Variants in S100A13 observed in about 807,000 individuals in gnomAD.
S100A13 encodes S100 calcium binding protein A13.
S100A13 carries 6 observed loss-of-function variants against 8.2 expected under a neutral mutation model. The observed-to-expected ratio is 0.73, with a 90% CI of 0.40 to 1.44. The LOEUF is 1.44. S100A13 is among the 40% of genes most tolerant of loss of function. The pLI, the probability that S100A13 is intolerant of heterozygous loss-of-function variation, is 0.02. For synonymous variants in S100A13, 39 were observed against 45.9 expected, an observed-to-expected ratio of 0.85 and a Z score of 0.61; for missense variants, 114 against 113.6, an observed-to-expected ratio of 1.00 and a Z score of -0.02.
intron 2 of S100A13, among the ~76,000 whole-genome samples, chr1:153,621,436 C>T (rs558951869): frequency 1.7e-4 from 26 of 151,810 alleles, no homozygotes; most frequent in Admixed American, 1.2e-3. Flanking sequence ...GGATTACAGG[C>T]ATGAGCCACC....
upstream of S100A13, chr1:153,630,731 G>C: frequency 6.4e-7 from 1 of 1,552,990 alleles, no homozygotes; most frequent in Non-Finnish European, 8.8e-7. Flanking sequence ...ACACCCCCTT[G>C]CTATCTCCCC....
At chr1:153,628,087 G>C (rs1219779953), upstream of S100A13, 5 of 1,550,458 alleles carry the variant, frequency 3.2e-6, no homozygotes, top group Non-Finnish European at 3.5e-6. Context: ...AGGAGCCACA[G>C]ACTAAGACCC....
At chr1:153,623,172 G>C (rs965016248) in intron 2 of S100A13, among the ~76,000 whole-genome samples, 2 of 152,144 alleles carry the variant, frequency 1.3e-5, no homozygotes, top group African/African-American at 4.8e-5. Context: ...AAGAAAGAGA[G>C]GAGTAATTTC....
chr1:153,625,373 C>T (rs1667549166), intron 2 of S100A13, among the ~76,000 whole-genome samples: 1 of 152,234 alleles, frequency 6.6e-6, no homozygotes, highest in Non-Finnish European at 1.5e-5. Flanking sequence ...GTAAAACAAA[C>T]TGTCAACAGC....
upstream of S100A13, chr1:153,628,560 A>T: frequency 1.3e-6 from 2 of 1,541,966 alleles, no homozygotes; most frequent in Non-Finnish European, 1.8e-6. Flanking sequence ...GGGTCTTCAG[A>T]AGGGCTCCAA....
At chr1:153,620,778 T>C (rs1294312290) in intron 2 of S100A13, among the ~76,000 whole-genome samples, 1 of 151,990 alleles carries the variant, frequency 6.6e-6, no homozygotes, top group Non-Finnish European at 1.5e-5. Context: ...ATATAAGGGA[T>C]TTGAGGCCAG....
intron 2 of S100A13, among the ~76,000 whole-genome samples, chr1:153,621,159 AT>A (rs59588947): frequency 4.1e-3 from 580 of 142,602 alleles, no homozygotes; most frequent in African/African-American, 0.011. Flanking sequence ...TATCTACAGG[AT>A]TTTTTTTTTT....
upstream of S100A13, chr1:153,629,972 T>C (rs145626657): frequency 0.01 from 1,568 of 156,782 alleles, 26 homozygotes; most frequent in African/African-American, 0.035. Flanking sequence ...CGCCACCCAC[T>C]GGGGCTGCCA....
intron 2 of S100A13, among the ~76,000 whole-genome samples, chr1:153,620,969 C>G (rs2101552930): frequency 6.6e-6 from 1 of 152,064 alleles, no homozygotes; most frequent in Admixed American, 6.5e-5. Flanking sequence ...GTTCTGGGAA[C>G]AATTCCCATG....
rs192380688 is a variant in S100A13 at position 153,624,826 on chromosome 1, G to A, written c.153+1494C>T. On this transcript the variant is annotated intron_variant, in intron 2 of 2. Transcript: ENST00000476133. ...GCGGTGGCTCACGCCTGTAATTCCA[G>A]CACTTTGAGAGGCCGAGGCAGGTGG... Among the ~76,000 whole-genome samples the A allele has an allele frequency of 2.4e-3, 361 of 152,260 alleles. 2 individuals carry two copies. Among genetic ancestry groups the A allele is most frequent in the Non-Finnish European group, 3.8e-3 (258 of 68,028 alleles).
intron 1 of S100A13, 72 bp downstream of exon 1, chr1:153,627,411 G>T (rs1571295048): frequency 6.6e-6 from 1 of 152,482 alleles, no homozygotes; most frequent in African/African-American, 2.4e-5. Context: ...GCTGGCTCTG[G>T]GGGAGGGACC....
chr1:153,625,133 G>T (rs1239126333), intron 2 of S100A13, among the ~76,000 whole-genome samples: 1 of 152,170 alleles, frequency 6.6e-6, no homozygotes, highest in East Asian at 1.9e-4. Flanking sequence ...AGCTACTTGT[G>T]AGGCTGGGGC....
chr1:153,628,752 G>A (rs1298711885), upstream of S100A13: 3 of 566,234 alleles, frequency 5.3e-6, no homozygotes, highest in Non-Finnish European at 8.7e-6. Flanking sequence ...AACCCACCAT[G>A]AGCTTCCTGA....
Position 153,626,389 on chromosome 1 carries a change from G to C in S100A13, c.84C>G (p.Gly28=). ...TTFFTFARQE[G]RKDSLSVNEF... is the part of the protein sequence containing the mutation. ...CGTTGACGCTGAGGCTATCCTTCCG[G>C]CCCTCCTGCCTTGCAAAGGTGAAGA... is the stretch of plus-strand genomic sequence containing the variant. Residue 28 remains glycine (G), a synonymous_variant, in exon 2 of 3, where the codon GGC becomes GGG. Transcript: ENST00000476133. 6.2e-7 allele frequency: 1 copy of C among 1,614,128 alleles called. No homozygotes were observed. The highest frequency in any genetic ancestry group is 8.5e-7 in the Non-Finnish European group (1 of 1,179,996).
rs1261750911 is a variant in S100A13, at chr1:153,626,385, T to G, written c.88A>C (p.Lys30Gln). The change falls in exon 2 of 3, where the codon AAG becomes CAG. Residue 30 changes from lysine to glutamine, a missense_variant. Transcript: ENST00000476133. ...AACTCGTTGACGCTGAGGCTATCCT[T>G]CCGGCCCTCCTGCCTTGCAAAGGTG... ...FFTFARQEGR[K>Q]DSLSVNEFKE... The G allele has an allele frequency of 1.9e-6, 3 of 1,614,192 alleles. No individual in the cohort carries two copies. In the South Asian group the frequency reaches 3.3e-5, roughly 18 times the overall value.
At chr1:153,633,453 A>G (rs1668147783), upstream of S100A13, among the ~76,000 whole-genome samples, 1 of 143,754 alleles carries the variant, frequency 7.0e-6, no homozygotes, top group African/African-American at 2.6e-5. Context: ...TGGAAACGCA[A>G]TCGAGGACGC....
intron 2 of S100A13, among the ~76,000 whole-genome samples, chr1:153,623,952 G>A (rs1667442719): frequency 1.3e-5 from 2 of 152,182 alleles, no homozygotes; most frequent in African/African-American, 2.4e-5. Flanking sequence ...CAGAATCAAC[G>A]GGGTTAAGGC....
chr1:153,630,385 G>A, upstream of S100A13: 1 of 1,211,538 alleles, frequency 8.3e-7, no homozygotes, highest in Non-Finnish European at 1.1e-6. Flanking sequence ...ATCAATTGCA[G>A]TAGGGCTCTA....
chr1:153,619,127 A>C, intron 2 of S100A13, 89 bp from the exon 3 acceptor site: 50 of 1,223,966 alleles, frequency 4.1e-5, no homozygotes, highest in East Asian at 7.0e-5. Context: ...CTATTCTCTC[A>C]AGGCCCTTCC....
Sources: allele counts gnomAD v4.1 joint callset (sites outside exome capture counted in the v4.1 genomes callset), GRCh38; gene constraint gnomAD v4.1.1; transcripts MANE v1.5; gene names NCBI Gene and HGNC (gene_info 2026-07-23, HGNC 2026-07-21).